Variants in FGGY observed in about 807,000 individuals in gnomAD.
FGGY encodes FGGY carbohydrate kinase domain-containing protein.
A neutral mutation model predicts 71.3 loss-of-function variants in FGGY; 72 were observed. The observed-to-expected ratio is 1.01, with a 90% CI of 0.84 to 1.23. The LOEUF (loss-of-function observed/expected upper bound fraction) is 1.23, where lower values mean the gene tolerates loss of function less well. Among genes scored for constraint, FGGY ranks in the 50% most tolerant of loss-of-function variants. The probability of loss-of-function intolerance (pLI) is 0.00; values close to 1 mark genes in which losing one functional copy is unlikely to be tolerated. For synonymous variants in FGGY, 251 were observed against 250.3 expected (o/e 1.00, Z -0.02); for missense variants, 668 against 682.3 (o/e 0.98, Z 0.23).
chr1:59,411,273 T>G (rs2153426320), intron 5 of FGGY, among the ~76,000 whole-genome samples: 1 of 152,338 alleles, frequency 6.6e-6, no homozygotes, highest in African/African-American at 2.4e-5. Context: ...AAATTCAAAT[T>G]ATGTGTTTTT....
intron 2 of FGGY, among the ~76,000 whole-genome samples, chr1:59,339,201 A>G (rs987837124): frequency 6.6e-6 from 1 of 152,190 alleles, no homozygotes; most frequent in African/African-American, 2.4e-5. Flanking sequence ...ATATCTCATT[A>G]TGTTATATAC....
At chr1:59,402,978 T>G (rs1210078714) in intron 5 of FGGY, among the ~76,000 whole-genome samples, 3 of 152,042 alleles carry the variant, frequency 2.0e-5, no homozygotes, top group Non-Finnish European at 4.4e-5. Context: ...CAGGACTCAT[T>G]GCTAGGATAC....
chr1:59,449,509 T>C (rs1054276785), intron 5 of FGGY, among the ~76,000 whole-genome samples: 1 of 152,176 alleles, frequency 6.6e-6, no homozygotes, highest in Admixed American at 6.5e-5. Flanking sequence ...GGTCTCGAAC[T>C]CCTGACCTTG....
At chr1:59,584,633 C>T (rs1219003260) in intron 8 of FGGY, among the ~76,000 whole-genome samples, 1 of 149,942 alleles carries the variant, frequency 6.7e-6, no homozygotes, top group Non-Finnish European at 1.5e-5. Flanking sequence ...CCTCTCTCAC[C>T]ACTGCTATTC....
chr1:59,450,912 T>A (rs746875830), intron 5 of FGGY, among the ~76,000 whole-genome samples: 6 of 152,094 alleles, frequency 3.9e-5, no homozygotes, highest in Non-Finnish European at 8.8e-5. Context: ...AATCACATTT[T>A]AAAAAATCTG....
chr1:59,607,702 A>T lies in FGGY; in HGVS notation c.904-101A>T, dbSNP rs1488239333. ...ACTTCCCCACCATAAAAGGCATTCA[A>T]TAAGAAGCTGAATTCCATGGTCATA... On this transcript the variant is annotated intron_variant, in intron 8 of 15. Coordinates refer to ENST00000303721, the MANE Select transcript of FGGY (RefSeq NM_018291.5). 8.1e-6 allele frequency: 7 copies of T among 868,646 alleles called. No individual in the cohort carries two copies. In the East Asian group the frequency reaches 1.8e-4, roughly 22 times the overall value. 53.8% of individuals were successfully genotyped at this position (868,646 alleles called of 1,614,324 possible).
chr1:59,349,787 G>A (rs2052872506), intron 4 of FGGY, among the ~76,000 whole-genome samples: 3 of 152,080 alleles, frequency 2.0e-5, no homozygotes, highest in African/African-American at 7.2e-5. Flanking sequence ...TCTTCTTAAA[G>A]CCTGACCAGG....
intron 14 of FGGY, chr1:59,699,045 A>G: frequency 1.0e-6 from 1 of 985,442 alleles, no homozygotes; most frequent in Non-Finnish European, 1.2e-6. Context: ...TAACATAGCT[A>G]CATTTTTCCT....
intron 4 of FGGY, among the ~76,000 whole-genome samples, chr1:59,350,753 C>T (rs1013586955): frequency 2.0e-5 from 3 of 152,040 alleles, no homozygotes; most frequent in African/African-American, 7.2e-5. Context: ...TTTCTCATTC[C>T]CCTGATGATA....
rs560043984 is a variant in FGGY, at chr1:59,351,350, A to G, written c.465+4952A>G. 1.2e-3 allele frequency among the ~76,000 whole-genome samples: 186 copies of G among 152,254 alleles called. 1 individual carries two copies. Among genetic ancestry groups the G allele is most frequent in the Non-Finnish European group, 2.2e-3 (151 of 68,012 alleles). ...CTCTACTCACTGCTGGTTCTTCCTC[A>G]TCATTTAGGTTTCAGTTTTATTTTT... On this transcript the variant is annotated intron_variant, in intron 4 of 15. Coordinates refer to ENST00000303721, the MANE Select transcript of FGGY (RefSeq NM_018291.5).
At chr1:59,552,521 C>G (rs931401502) in intron 7 of FGGY, among the ~76,000 whole-genome samples, 1 of 152,200 alleles carries the variant, frequency 6.6e-6, no homozygotes, top group East Asian at 1.9e-4. Context: ...TGTAAGAGGC[C>G]TGTCTCTGGC....
At chr1:59,603,019 GT>G (rs34618006) in intron 8 of FGGY, among the ~76,000 whole-genome samples, 1 of 152,130 alleles carries the variant, frequency 6.6e-6, no homozygotes, top group South Asian at 2.1e-4. Flanking sequence ...TTTTATTACT[GT>G]TTTTGAAGTT....
intron 8 of FGGY, among the ~76,000 whole-genome samples, chr1:59,554,761 T>C (rs2095659195): frequency 6.6e-6 from 1 of 152,250 alleles, no homozygotes; most frequent in African/African-American, 2.4e-5. Flanking sequence ...TTCTCCAAGA[T>C]TGCAGTTAAA....
At chr1:59,619,080 A>G (rs1353781306) in intron 9 of FGGY, among the ~76,000 whole-genome samples, 1 of 152,124 alleles carries the variant, frequency 6.6e-6, no homozygotes, top group Admixed American at 6.6e-5. Flanking sequence ...CATTGTAGGT[A>G]TAGAAGTCTT....
At chr1:59,305,658 T>C (rs2043334298) in intron 1 of FGGY, among the ~76,000 whole-genome samples, 1 of 152,232 alleles carries the variant, frequency 6.6e-6, no homozygotes, top group South Asian at 2.1e-4. Flanking sequence ...AAATGCTTGG[T>C]AGAATTTATA....
chr1:59,747,059 A>G lies in FGGY; in HGVS notation c.1513-10872A>G, dbSNP rs373772465. ...ATTGTTATTGAGTTACTATTATTTA[A>G]TTACAGCTCACGGCAGTACTATATA... On this transcript the variant is annotated intron_variant, in intron 14 of 15. Transcript: ENST00000303721. Among the ~76,000 whole-genome samples the G allele has an allele frequency of 3.0e-4, 45 of 152,296 alleles. No individual in the cohort carries two copies. The East Asian group carries it at 8.5e-3, about 29-fold the overall frequency.
At chr1:59,534,442 C>T (rs2095255997) in intron 7 of FGGY, among the ~76,000 whole-genome samples, 1 of 152,076 alleles carries the variant, frequency 6.6e-6, no homozygotes, top group African/African-American at 2.4e-5. Flanking sequence ...CCCAATCTAG[C>T]AAGGCAGGCC....
chr1:59,628,685 C>CCAGGCTG (rs1269116126), intron 10 of FGGY, among the ~76,000 whole-genome samples: 3 of 152,050 alleles, frequency 2.0e-5, no homozygotes, highest in Non-Finnish European at 4.4e-5. Flanking sequence ...GCTGATAATG[C>CCAGGCTG]TTAGTTGTCA....
chr1:59,565,283 G>T (rs1411351198), intron 8 of FGGY, among the ~76,000 whole-genome samples: 1 of 151,990 alleles, frequency 6.6e-6, no homozygotes. Flanking sequence ...TAGCTAGTAA[G>T]TCCTTTCTTT....
Sources: allele counts gnomAD v4.1 joint callset (sites outside exome capture counted in the v4.1 genomes callset), GRCh38; gene constraint gnomAD v4.1.1; transcripts MANE v1.5; gene names NCBI Gene and HGNC (gene_info 2026-07-23, HGNC 2026-07-21).